The following TBC1D32 variants were observed in gnomAD, a reference collection of about 807,000 sequenced individuals.
The protein encoded by TBC1D32 is TBC1 domain family member 32, also known as protein broad-minded.
A neutral mutation model predicts 170.3 loss-of-function variants in TBC1D32; 151 were observed. The observed-to-expected ratio is 0.89, with a 90% CI of 0.78 to 1.01. TBC1D32 has a LOEUF of 1.01. TBC1D32 is among the 50% of genes least tolerant of loss of function. The probability of loss-of-function intolerance (pLI) is 0.00; values close to 1 mark genes in which losing one functional copy is unlikely to be tolerated. For missense variants in TBC1D32, 1,464 were observed against 1,457.1 expected (o/e 1.00, Z -0.08); for synonymous variants, 498 against 488.0 (o/e 1.02, Z -0.27).
chr6:121,145,706 A>G (rs548485893), intron 24 of TBC1D32, among the ~76,000 whole-genome samples: 1 of 152,318 alleles, frequency 6.6e-6, no homozygotes. Flanking sequence ...CATGTTGTAC[A>G]TGATAAATAT....
intron 30 of TBC1D32, among the ~76,000 whole-genome samples, chr6:121,094,467 A>G (rs1777166483): frequency 6.6e-6 from 1 of 152,082 alleles, no homozygotes; most frequent in Non-Finnish European, 1.5e-5. Flanking sequence ...ACACCTGGCC[A>G]CTTCTGTATT....
In TBC1D32 at chr6:121,281,559, T is replaced by G; in HGVS notation, c.1593A>C (p.Leu531Phe). 6.2e-7 allele frequency: 1 copy of G among 1,605,836 alleles called. No individual in the cohort carries two copies. The highest frequency in any genetic ancestry group is 8.5e-7 in the Non-Finnish European group (1 of 1,175,654). ...IETLLQPIHN[L>F]MKGNEASPNC... is the part of the protein sequence containing the mutation. ...TAATACGAACCTCATTTCCTTTCAT[T>G]AAATTGTGAATAGGCTGAAGAAGTG... The change falls in exon 14 of 32, where the codon TTA becomes TTC. Residue 531 changes from leucine to phenylalanine, a missense_variant. Leu to Phe is a conservative substitution (Grantham distance 22). Around this residue, in one of 3 missense-constraint regions of TBC1D32, gnomAD observed 1,363 missense variants for 1,338.1 expected, o/e 1.02. Coordinates refer to ENST00000398212, the MANE Select transcript of TBC1D32 (RefSeq NM_152730.6).
Position 121,310,791 on chromosome 6 carries a change from C to T in TBC1D32, c.552G>A (p.Gly184=). The T allele has an allele frequency of 1.3e-6, 2 of 1,563,416 alleles. No homozygotes were observed. The highest frequency in any genetic ancestry group is 1.7e-6 in the Non-Finnish European group (2 of 1,149,384). ...CCTTGAAACTTACCTCTTTAGGTTG[C>T]CCAGGATCCAACTGGTCTAAAATCA... is the stretch of plus-strand genomic sequence containing the variant. ...LQLILDQLDP[G]QPKEVRYEAL... Residue 184 remains glycine, a synonymous_variant, in exon 4 of 32, where the codon GGG becomes GGA. Coordinates refer to ENST00000398212, the MANE Select transcript of TBC1D32 (RefSeq NM_152730.6).
chr6:121,315,582 T>G (rs144335342), intron 3 of TBC1D32, among the ~76,000 whole-genome samples: 1 of 152,288 alleles, frequency 6.6e-6, no homozygotes, highest in Non-Finnish European at 1.5e-5. Flanking sequence ...AAAATGAAAG[T>G]GTTTCACTAA....
chr6:121,117,210 C>T (rs1420292384), intron 26 of TBC1D32, among the ~76,000 whole-genome samples: 1 of 152,090 alleles, frequency 6.6e-6, no homozygotes, highest in African/African-American at 2.4e-5. Context: ...CTCAAAAAAG[C>T]TTTTAAATGA....
At chr6:121,085,424 C>A (rs557732518) in intron 31 of TBC1D32, among the ~76,000 whole-genome samples, 1 of 148,324 alleles carries the variant, frequency 6.7e-6, no homozygotes, top group Non-Finnish European at 1.5e-5. Flanking sequence ...ACATAACAAC[C>A]GGTAAGCAAT....
intron 15 of TBC1D32, among the ~76,000 whole-genome samples, chr6:121,275,102 A>C (rs1023876273): frequency 2.0e-5 from 3 of 152,226 alleles, no homozygotes; most frequent in Non-Finnish European, 4.4e-5. Flanking sequence ...AGTCGATTGC[A>C]CAACAGTATT....
At chr6:121,211,994 AACACACACACACACAC>A (rs66924686) in intron 21 of TBC1D32, among the ~76,000 whole-genome samples, 2 of 148,530 alleles carry the variant, frequency 1.3e-5, no homozygotes, top group African/African-American at 5.0e-5. Context: ...GAACAAACAC[AACACACACACACACAC>A]ACACACACAC....
chr6:121,199,118 G>A (rs1452693036), intron 22 of TBC1D32, among the ~76,000 whole-genome samples: 1 of 150,952 alleles, frequency 6.6e-6, no homozygotes, highest in Non-Finnish European at 1.5e-5. Context: ...ACATAAGGTT[G>A]GAAAATGTGC....
intron 27 of TBC1D32, among the ~76,000 whole-genome samples, chr6:121,114,210 CTG>C (rs1421811121): frequency 6.6e-6 from 1 of 152,084 alleles, no homozygotes; most frequent in Non-Finnish European, 1.5e-5. Flanking sequence ...CGTGGCCACA[CTG>C]TAGTATTTGA....
chr6:121,325,606 C>T (rs192086646), intron 1 of TBC1D32, among the ~76,000 whole-genome samples: 279 of 152,252 alleles, frequency 1.8e-3, no homozygotes, highest in African/African-American at 6.0e-3. Context: ...TTCCTTACGC[C>T]TTATACAAAA....
intron 17 of TBC1D32, among the ~76,000 whole-genome samples, chr6:121,245,298 C>T (rs1234750144): frequency 6.6e-6 from 1 of 152,314 alleles, no homozygotes; most frequent in East Asian, 1.9e-4. Context: ...TGCAGATATT[C>T]ACAGCACCAG....
At chr6:121,268,755 A>G (rs991673273) in intron 15 of TBC1D32, among the ~76,000 whole-genome samples, 6 of 152,168 alleles carry the variant, frequency 3.9e-5, no homozygotes, top group Non-Finnish European at 7.3e-5. Context: ...CAGGAAGTAC[A>G]GAGAACACCA....
chr6:121,182,072 C>T (rs1358890310), intron 22 of TBC1D32, among the ~76,000 whole-genome samples: 3 of 151,962 alleles, frequency 2.0e-5, no homozygotes, highest in Non-Finnish European at 4.4e-5. Context: ...AATATATACA[C>T]TGTCTAGCAA....
intron 3 of TBC1D32, among the ~76,000 whole-genome samples, chr6:121,314,914 C>G (rs1274771545): frequency 6.6e-6 from 1 of 152,198 alleles, no homozygotes; most frequent in Non-Finnish European, 1.5e-5. Context: ...AAAGCAGTGT[C>G]TGTGTGCCAG....
Position 121,256,101 on chromosome 6 carries a change from C to T in TBC1D32, c.1918G>A (p.Ala640Thr). 4 of 1,612,378 alleles carry T rather than the reference C, an allele frequency of 2.5e-6. No homozygotes were observed. The highest frequency in any genetic ancestry group is 3.4e-6 in the Non-Finnish European group (4 of 1,179,628). The change falls in exon 16 of 32, where the codon GCA becomes ACA. Residue 640 changes from alanine to threonine, a missense_variant. Physicochemically the swap from Ala to Thr is moderately conservative, Grantham distance 58. This residue lies in a region of TBC1D32 where 1,363 missense variants were observed against 1,338.1 expected (regional missense o/e 1.02). Transcript: ENST00000398212. ...LITYNLHESI[A>T]KAWKKTSLLS... ...ATACTTACCTTTTTCCATGCCTTTG[C>T]TATAGATTCATGCAAATTATAAGTG...
intron 22 of TBC1D32, among the ~76,000 whole-genome samples, chr6:121,195,761 G>A (rs1325122896): frequency 1.3e-5 from 2 of 152,134 alleles, no homozygotes; most frequent in African/African-American, 2.4e-5. Flanking sequence ...GGTTCTGCAC[G>A]ATATGCAGGC....
chr6:121,123,153 T>A (rs186674956), intron 26 of TBC1D32, among the ~76,000 whole-genome samples: 1 of 152,268 alleles, frequency 6.6e-6, no homozygotes, highest in Non-Finnish European at 1.5e-5. Context: ...TCACTCAGTA[T>A]GATGTTAGCT....
chr6:121,304,917 C>A, intron 5 of TBC1D32, 84 bp from the exon 6 acceptor site: 1 of 911,932 alleles, frequency 1.1e-6, no homozygotes, highest in Non-Finnish European at 1.7e-6. Context: ...AGTAAAAACT[C>A]AGAAAATAAA....
Sources: allele counts gnomAD v4.1 joint callset (sites outside exome capture counted in the v4.1 genomes callset), GRCh38; gene constraint gnomAD v4.1.1; regional missense constraint gnomAD v4.1.1; transcripts MANE v1.5; gene names NCBI Gene and HGNC (gene_info 2026-07-23, HGNC 2026-07-21).